The following GMPS variants were observed in gnomAD, a reference collection of about 807,000 sequenced individuals.
The protein encoded by GMPS is GMP synthase [glutamine-hydrolyzing].
In GMPS, 15 loss-of-function variants were observed where a neutral mutation model predicts 77.9. That is an observed-to-expected ratio of 0.19 (90% CI 0.13 to 0.30). The LOEUF is 0.30. GMPS is among the 10% of genes least tolerant of loss of function. The pLI is 1.00. For missense variants in GMPS, 590 were observed against 838.8 expected (o/e 0.70, Z 3.66); for synonymous variants, 224 against 275.9 (o/e 0.81, Z 1.86).
intron 1 of GMPS, among the ~76,000 whole-genome samples, chr3:155,877,836 C>T (rs915887614): frequency 7.1e-6 from 1 of 141,746 alleles, no homozygotes; most frequent in Non-Finnish European, 1.5e-5. Context: ...CTCGCTAGTA[C>T]AGTGGCGCGA....
chr3:155,909,758 A>G (rs1039046102), intron 5 of GMPS, among the ~76,000 whole-genome samples: 14 of 150,806 alleles, frequency 9.3e-5, no homozygotes, highest in African/African-American at 3.4e-4. Flanking sequence ...AACAGGCAAC[A>G]AGATAAAACC....
intron 1 of GMPS, among the ~76,000 whole-genome samples, chr3:155,871,124 T>C (rs1753894132): frequency 6.6e-6 from 1 of 151,638 alleles, no homozygotes; most frequent in Non-Finnish European, 1.5e-5. Flanking sequence ...GGTCCGGGCG[T>C]CGGGGAGGGC....
chr3:155,877,217 G>A (rs938698937), intron 1 of GMPS, among the ~76,000 whole-genome samples: 1 of 152,114 alleles, frequency 6.6e-6, no homozygotes, highest in Non-Finnish European at 1.5e-5. Flanking sequence ...AAAAGTACCT[G>A]TAGATATATC....
At chr3:155,927,888 A>T (rs2108136250) in intron 12 of GMPS, among the ~76,000 whole-genome samples, 1 of 152,236 alleles carries the variant, frequency 6.6e-6, no homozygotes, top group Admixed American at 6.5e-5. Flanking sequence ...TATTCTATGC[A>T]TACCATCATT....
intron 3 of GMPS, among the ~76,000 whole-genome samples, chr3:155,899,889 A>G (rs780017264): frequency 6.6e-6 from 1 of 152,158 alleles, no homozygotes; most frequent in Non-Finnish European, 1.5e-5. Context: ...AGTAATGTGC[A>G]TTTAAAGTTC....
At chr3:155,873,638 C>CTTTTTTTTT (rs58365650) in intron 1 of GMPS, among the ~76,000 whole-genome samples, 2 of 82,574 alleles carry the variant, frequency 2.4e-5, no homozygotes, top group Admixed American at 1.8e-4. Flanking sequence ...TGAGTAAGTT[C>CTTTTTTTTT]TTTTTTTTTT....
intron 8 of GMPS, among the ~76,000 whole-genome samples, chr3:155,915,802 C>T (rs1157484778): frequency 6.6e-6 from 1 of 152,196 alleles, no homozygotes; most frequent in East Asian, 1.9e-4. Flanking sequence ...TCCCAAAGTG[C>T]TGGGATTACA....
At chr3:155,894,125 A>T (rs2108074788) in intron 2 of GMPS, among the ~76,000 whole-genome samples, 1 of 152,368 alleles carries the variant, frequency 6.6e-6, no homozygotes, top group Non-Finnish European at 1.5e-5. Flanking sequence ...CTTAAATCTA[A>T]TATATGGGCT....
intron 3 of GMPS, among the ~76,000 whole-genome samples, chr3:155,901,389 C>T (rs1158902961): frequency 6.6e-6 from 1 of 151,986 alleles, no homozygotes; most frequent in Non-Finnish European, 1.5e-5. Context: ...TAGCATGTTA[C>T]TTTTACATTC....
At chr3:155,894,985 C>G (rs919374069) in intron 2 of GMPS, among the ~76,000 whole-genome samples, 1 of 152,166 alleles carries the variant, frequency 6.6e-6, no homozygotes, top group East Asian at 1.9e-4. Flanking sequence ...CTGAATGCCT[C>G]TCTGTCAAAT....
intron 1 of GMPS, among the ~76,000 whole-genome samples, chr3:155,878,258 A>G (rs1754107604): frequency 6.6e-6 from 1 of 152,182 alleles, no homozygotes; most frequent in African/African-American, 2.4e-5. Flanking sequence ...TGTGACTAGA[A>G]TCTTAAAATA....
intron 5 of GMPS, 90 bp from the exon 6 acceptor site, chr3:155,910,602 A>T: frequency 9.2e-6 from 5 of 544,138 alleles, no homozygotes; most frequent in Non-Finnish European, 1.6e-5. Flanking sequence ...GAAACCATAG[A>T]GGCAGAGATT....
intron 10 of GMPS, among the ~76,000 whole-genome samples, chr3:155,920,561 C>T (rs543278405): frequency 8.0e-6 from 1 of 125,220 alleles, no homozygotes; most frequent in African/African-American, 3.1e-5. Context: ...GGCAACAGAG[C>T]ATGACTCCAT....
At chr3:155,908,416 A>C (rs1754950435) in intron 5 of GMPS, among the ~76,000 whole-genome samples, 2 of 152,160 alleles carry the variant, frequency 1.3e-5, no homozygotes, top group Non-Finnish European at 2.9e-5. Flanking sequence ...TTTCTCAATA[A>C]ATTCCATTCC....
At chr3:155,893,173 A>G (rs1464684383) in intron 1 of GMPS, among the ~76,000 whole-genome samples, 1 of 152,168 alleles carries the variant, frequency 6.6e-6, no homozygotes, top group Non-Finnish European at 1.5e-5. Flanking sequence ...GTTAATAATA[A>G]TGCCCATGTA....
chr3:155,872,130 C>T (rs1035625516), intron 1 of GMPS, among the ~76,000 whole-genome samples: 1 of 152,154 alleles, frequency 6.6e-6, no homozygotes, highest in African/African-American at 2.4e-5. Context: ...ATAGTAGTGC[C>T]TTGTTCAGGC....
intron 1 of GMPS, among the ~76,000 whole-genome samples, chr3:155,882,412 CAT>C (rs1318906326): frequency 1.3e-5 from 2 of 152,202 alleles, no homozygotes; most frequent in African/African-American, 4.8e-5. Context: ...AAGAGAGTTA[CAT>C]ATGTCTGGTT....
intron 7 of GMPS, among the ~76,000 whole-genome samples, chr3:155,911,523 C>A (rs1052569837): frequency 9.9e-5 from 15 of 152,056 alleles, no homozygotes; most frequent in Non-Finnish European, 1.6e-4. Context: ...CAGTTCTCTT[C>A]TAGTCATTCA....
At chr3:155,935,842 A>C (rs1186630744) in intron 14 of GMPS, among the ~76,000 whole-genome samples, 1 of 152,214 alleles carries the variant, frequency 6.6e-6, no homozygotes, top group Non-Finnish European at 1.5e-5. Flanking sequence ...TCATTCAGGC[A>C]TGAGTTAAAG....
Sources: gnomAD v4.1 joint callset for allele counts (sites outside exome capture counted in the v4.1 genomes callset) on GRCh38, gnomAD v4.1.1 for gene constraint, MANE v1.5 for transcripts, NCBI Gene and HGNC (gene_info 2026-07-23, HGNC 2026-07-21) for gene names.